The following ABCA4 variants were observed in gnomAD, a reference collection of about 807,000 sequenced individuals.
The protein encoded by ABCA4 is retinal-specific phospholipid-transporting ATPase ABCA4.
In ABCA4, 196 loss-of-function variants were observed where a neutral mutation model predicts 263.7. That is an observed-to-expected ratio of 0.74 (90% CI 0.66 to 0.84). The LOEUF is 0.84. Among genes scored for constraint, ABCA4 ranks in the 40% least tolerant of loss-of-function variants. ABCA4 has a pLI of 0.00. For missense variants in ABCA4, 2,792 were observed against 2,855.1 expected, an observed-to-expected ratio of 0.98 and a Z score of 0.50; for synonymous variants, 1,133 against 1,094.2, an observed-to-expected ratio of 1.04 and a Z score of -0.70.
In ABCA4 at chr1:94,030,458, C is replaced by T; in HGVS notation, c.4322G>A (p.Gly1441Asp). Reference sequence around the variant, plus strand: ...CCACCCTTCCTTCAGGCAGCGGTTGCCAAAGCCTGGCTTATTCAGGAGGAC... The same window carrying T: ...CCACCCTTCCTTCAGGCAGCGGTTGTCAAAGCCTGGCTTATTCAGGAGGAC... ...ADVLLNKPGF[G>D]NRCLKEGWLP... The change falls in exon 29 of 50, where the codon GGC becomes GAC. Residue 1441 changes from glycine (G) to aspartate (D), a missense_variant. Physicochemically the swap from Gly to Asp is moderately conservative, Grantham distance 94. Coordinates refer to ENST00000370225, the MANE Select transcript of ABCA4 (RefSeq NM_000350.3). 1 of 1,614,178 alleles carries T rather than the reference C, an allele frequency of 6.2e-7. No individual in the cohort carries two copies. The highest frequency in any genetic ancestry group is 8.5e-7 in the Non-Finnish European group (1 of 1,180,022).
At chr1:94,067,653 A>G (rs1476116143) in intron 11 of ABCA4, among the ~76,000 whole-genome samples, 1 of 152,194 alleles carries the variant, frequency 6.6e-6, no homozygotes, top group Non-Finnish European at 1.5e-5. Flanking sequence ...AAATTGAGAT[A>G]TGCCCTATCT....
Position 94,005,467 on chromosome 1 carries a change from C to T in ABCA4, c.6121G>A (p.Gly2041Ser), listed in dbSNP as rs2101000357. 1 of 1,614,140 alleles carries T rather than the reference C, an allele frequency of 6.2e-7. No individual in the cohort carries two copies. The highest frequency in any genetic ancestry group is 8.5e-7 in the Non-Finnish European group (1 of 1,180,026). ...TTTTCGATTTCTTCTGCTGGTACAC[C>T]TCGAAGCCGGGCATAAAGGTAAAGA... ...EHLYLYARLR[G>S]VPAEEIEKVA... is the part of the protein sequence containing the mutation. Residue 2041 changes from glycine to serine, a missense_variant, in exon 44 of 50, where the codon GGT becomes AGT. By Grantham distance (56) the Gly-to-Ser change is moderately conservative (BLOSUM62 0). Transcript: ENST00000370225.
chr1:94,031,246 G>A, intron 27 of ABCA4, 126 bp from the exon 28 acceptor site: 1 of 1,329,626 alleles, frequency 7.5e-7, no homozygotes, highest in Non-Finnish European at 1.1e-6. Context: ...CTGGTGGAGA[G>A]GGTTGGGCTT....
intron 18 of ABCA4, among the ~76,000 whole-genome samples, chr1:94,048,181 C>A (rs1003044723): frequency 2.0e-5 from 3 of 152,210 alleles, no homozygotes; most frequent in African/African-American, 7.2e-5. Flanking sequence ...CCCTCTCCTG[C>A]CCTGTCAGGC....
intron 6 of ABCA4, among the ~76,000 whole-genome samples, chr1:94,084,301 A>G (rs1661779313): frequency 6.6e-6 from 1 of 152,250 alleles, no homozygotes; most frequent in Non-Finnish European, 1.5e-5. Context: ...GTAGGTGTGA[A>G]GTGAGCACTG....
intron 3 of ABCA4, 119 bp downstream of exon 3, chr1:94,111,319 G>A: frequency 7.3e-7 from 1 of 1,364,142 alleles, no homozygotes; most frequent in Non-Finnish European, 1.0e-6. Flanking sequence ...AGAGGTTAGG[G>A]GCTCAGCAAA....
intron 11 of ABCA4, among the ~76,000 whole-genome samples, chr1:94,065,417 A>G (rs917651729): frequency 3.3e-5 from 5 of 152,192 alleles, no homozygotes; most frequent in Non-Finnish European, 5.9e-5. Context: ...GGGCGTAAGG[A>G]CCTGACCACA....
intron 23 of ABCA4, among the ~76,000 whole-genome samples, chr1:94,040,500 T>C (rs1244328088): frequency 6.6e-6 from 1 of 152,188 alleles, no homozygotes; most frequent in Non-Finnish European, 1.5e-5. Flanking sequence ...GCATAAATAA[T>C]GCTGCCATAT....
chr1:94,032,699 A>G (rs1571265911), intron 26 of ABCA4, among the ~76,000 whole-genome samples: 1 of 152,236 alleles, frequency 6.6e-6, no homozygotes, highest in Non-Finnish European at 1.5e-5. Context: ...TATGTGTAAT[A>G]CACTCACATT....
In ABCA4 at chr1:94,105,419, G is replaced by T. The variant is rs552882113; in HGVS notation, c.443-2277C>A. On this transcript the variant is annotated intron_variant, in intron 4 of 49. Coordinates refer to ENST00000370225, the MANE Select transcript of ABCA4 (RefSeq NM_000350.3). ...AGGAGACAGGGCTGCTGTGGCTCTG[G>T]GGGGGAAGGGGGAGTGTGCTGGCTT... is the stretch of plus-strand genomic sequence containing the variant. 9.2e-5 allele frequency among the ~76,000 whole-genome samples: 14 copies of T among 152,266 alleles called. No individual in the cohort carries two copies. The East Asian group carries it at 1.4e-3, about 15-fold the overall frequency.
intron 30 of ABCA4, among the ~76,000 whole-genome samples, chr1:94,025,987 T>C (rs918339740): frequency 2.0e-5 from 3 of 152,218 alleles, no homozygotes; most frequent in Non-Finnish European, 4.4e-5. Context: ...TCAAAATACA[T>C]CTAGGACTGG....
intron 48 of ABCA4, among the ~76,000 whole-genome samples, chr1:93,997,537 CTG>C: frequency 6.6e-6 from 1 of 151,850 alleles, no homozygotes; most frequent in Non-Finnish European, 1.5e-5. Flanking sequence ...CCCAAAGAAC[CTG>C]TGTTTCATCG....
chr1:94,116,978 C>A lies in ABCA4; in HGVS notation c.67-3912G>T, dbSNP rs540610252. ...CTCCTTTCTTTCTTTCTCTTTCTTT[C>A]TTTCTTTCTTTCTTTCTTTCTTTCT... On this transcript the variant is annotated intron_variant, in intron 1 of 49. Transcript: ENST00000370225. Among the ~76,000 whole-genome samples the A allele has an allele frequency of 1.1e-3, 108 of 96,050 alleles. 1 individual carries two copies. The highest frequency in any genetic ancestry group is 4.2e-3 in the African/African-American group (104 of 24,758). 63.0% of individuals were successfully genotyped at this position (96,050 alleles called of 152,430 possible).
intron 30 of ABCA4, among the ~76,000 whole-genome samples, chr1:94,027,682 T>A (rs1660079786): frequency 6.6e-6 from 1 of 152,244 alleles, no homozygotes; most frequent in African/African-American, 2.4e-5. Context: ...ATAGGTGCTG[T>A]GGCAAAATCT....
chr1:94,045,261 C>G (rs1348182221), intron 19 of ABCA4, among the ~76,000 whole-genome samples: 1 of 151,760 alleles, frequency 6.6e-6, no homozygotes, highest in Non-Finnish European at 1.5e-5. Flanking sequence ...ATGGGAATTA[C>G]CACCACCAAT....
intron 6 of ABCA4, among the ~76,000 whole-genome samples, chr1:94,086,712 T>C (rs1302951155): frequency 6.6e-6 from 1 of 152,202 alleles, no homozygotes; most frequent in African/African-American, 2.4e-5. Flanking sequence ...TTTTATATCT[T>C]TTTCCTGATT....
At chr1:94,065,098 G>A (rs1661230803) in intron 11 of ABCA4, among the ~76,000 whole-genome samples, 1 of 152,078 alleles carries the variant, frequency 6.6e-6, no homozygotes, top group Non-Finnish European at 1.5e-5. Context: ...CCTGCCTGAG[G>A]TCACCCAGAG....
intron 13 of ABCA4, among the ~76,000 whole-genome samples, chr1:94,062,217 G>A (rs1661146138): frequency 6.6e-6 from 1 of 152,212 alleles, no homozygotes; most frequent in Non-Finnish European, 1.5e-5. Flanking sequence ...GAATGCTGAT[G>A]TGGCAATCAT....
chr1:94,120,531 G>A (rs79738130), intron 1 of ABCA4, among the ~76,000 whole-genome samples: 1 of 152,188 alleles, frequency 6.6e-6, no homozygotes, highest in African/African-American at 2.4e-5. Flanking sequence ...AAAAAACAAT[G>A]TGCCTCAGAG....
Sources: allele counts gnomAD v4.1 joint callset (sites outside exome capture counted in the v4.1 genomes callset), GRCh38; gene constraint gnomAD v4.1.1; transcripts MANE v1.5; gene names NCBI Gene and HGNC (gene_info 2026-07-23, HGNC 2026-07-21).